Variants in KIFC1 observed in about 807,000 individuals in gnomAD.
The protein encoded by KIFC1 is kinesin family member C1, also known as kinesin-like protein KIFC1.
Under a neutral mutation model 66.6 loss-of-function variants are expected in KIFC1, and 37 were observed. The observed-to-expected ratio is 0.56, with a 90% CI of 0.43 to 0.73. The LOEUF (loss-of-function observed/expected upper bound fraction) is 0.73. Among genes scored for constraint, KIFC1 ranks in the 30% least tolerant of loss-of-function variants. The pLI, the probability that KIFC1 is intolerant of heterozygous loss-of-function variation, is 0.00. For missense variants in KIFC1, 721 were observed against 859.8 expected, an observed-to-expected ratio of 0.84 and a Z score of 2.02; for synonymous variants, 325 against 343.5, an observed-to-expected ratio of 0.95 and a Z score of 0.60.
At chr6:33,407,990 C>T (rs929856322) in intron 10 of KIFC1, among the ~76,000 whole-genome samples, 2 of 152,236 alleles carry the variant, frequency 1.3e-5, no homozygotes, top group Non-Finnish European at 2.9e-5. Flanking sequence ...CCAGCACCTG[C>T]ACCCTGATCT....
chr6:33,405,261 AAG>A lies in KIFC1; in HGVS notation c.1170_1171del (p.Glu390AspfsTer77). On this transcript the variant is annotated frameshift_variant, in exon 7 of 11. Transcript: ENST00000428849. LOFTEE classifies it high-confidence loss of function. The surrounding 1 kb of genome is among the most constrained non-coding windows in gnomAD (Gnocchi z 5.4). ...GGAAGTGGACAGGATGAAGTGTTTG[AAG>A]AGATTGCCATGCTTGTCCAGTCAGC... 1 of 1,614,162 alleles carries A rather than the reference AAG, an allele frequency of 6.2e-7. No homozygotes were observed. Among genetic ancestry groups the A allele is most frequent in the Non-Finnish European group, 8.5e-7 (1 of 1,180,036 alleles).
At position 33,403,547 on chromosome 6, in the gene KIFC1, A is replaced by T; in HGVS notation, c.355+12A>T. 2.5e-6 allele frequency: 4 copies of T among 1,613,708 alleles called. No individual in the cohort carries two copies. In the Middle Eastern group the frequency reaches 6.6e-4, roughly 266 times the overall value. On this transcript the variant is annotated intron_variant, in intron 5 of 10. Coordinates refer to ENST00000428849, the MANE Select transcript of KIFC1 (RefSeq NM_002263.4). The surrounding 1 kb of genome is among the most constrained non-coding windows in gnomAD (Gnocchi z 4.6). ...CCAGAAGTCTGGCAGTAAGTGACAA[A>T]CATAACCACTGGGTGAGAGGCTGGG...
Position 33,405,087 on chromosome 6 carries a change from T to G in KIFC1, c.992T>G (p.Leu331Arg). The G allele has an allele frequency of 5.0e-6, 8 of 1,614,068 alleles. No homozygotes were observed. The highest frequency in any genetic ancestry group is 1.3e-5 in the African/African-American group (1 of 75,058). The change falls in exon 7 of 11, where the codon CTC (leucine) becomes CGC (arginine). Residue 331 changes from leucine to arginine, a missense_variant. Transcript: ENST00000428849. The surrounding 1 kb of genome is among the most constrained non-coding windows in gnomAD (Gnocchi z 5.4). ...GGGGAGCCCACTCCACCCCCTGGCC[T>G]CCTCCTGTTTCCCTCTGGCCCTGGT... is the stretch of plus-strand genomic sequence containing the variant. ...LPGEPTPPPGLLLFPSGPGGP... is the reference protein window; with the variant it reads ...LPGEPTPPPGRLLFPSGPGGP...
intron 3 of KIFC1, among the ~76,000 whole-genome samples, chr6:33,398,713 G>A (rs1581910525): frequency 6.6e-6 from 1 of 152,112 alleles, no homozygotes; most frequent in East Asian, 1.9e-4. Flanking sequence ...TGATCCACCC[G>A]CCTCTGCCTT....
rs575146354 is a variant in KIFC1 at position 33,401,850 on chromosome 6, C to T, written c.251-1464C>T. Among the ~76,000 whole-genome samples, 26 of 152,182 alleles carry T rather than the reference C, an allele frequency of 1.7e-4. No homozygotes were observed. In the East Asian group the frequency reaches 4.6e-3, roughly 27 times the overall value. On this transcript the variant is annotated intron_variant, in intron 3 of 10. Coordinates refer to ENST00000428849, the MANE Select transcript of KIFC1 (RefSeq NM_002263.4). This position sits in a 1 kb window ranked among gnomAD's most constrained non-coding sequence, Gnocchi z 4.5. ...CGGAGTAGCTGGGACTACAGGTGCC[C>T]GCCACCACGCCTGGTTAATTTTGTT...
In KIFC1 at chr6:33,404,672, C is replaced by T. The variant is rs1490977436; in HGVS notation, c.757-180C>T. On this transcript the variant is annotated intron_variant, in intron 6 of 10. Coordinates refer to ENST00000428849, the MANE Select transcript of KIFC1 (RefSeq NM_002263.4). This position sits in a 1 kb window ranked among gnomAD's most constrained non-coding sequence, Gnocchi z 4.0. ...GTGCTCCTCTTTGTGCTTGGACATA[C>T]CCATAGCACTCCCTGTCTTAGTACC... 2.0e-5 allele frequency among the ~76,000 whole-genome samples: 3 copies of T among 152,126 alleles called. No homozygotes were observed. The highest frequency in any genetic ancestry group is 1.5e-5 in the Non-Finnish European group (1 of 68,030).
Position 33,405,445 on chromosome 6 carries a change from T to C in KIFC1, c.1350T>C (p.Gly450=), listed in dbSNP as rs747093907. 2 of 1,606,340 alleles carry C rather than the reference T, an allele frequency of 1.2e-6. No individual in the cohort carries two copies. Among genetic ancestry groups the C allele is most frequent in the African/African-American group, 1.3e-5 (1 of 74,812 alleles). ...HLFSVAQELS[G]QGWTYSFVAS... is the part of the protein sequence containing the mutation. ...TCTCTGTGGCTCAGGAGCTGAGTGG[T>C]CAGGGCTGGACCTACAGCTTTGTAG... The change falls in exon 7 of 11, where the codon GGT becomes GGC. Residue 450 remains glycine (G), a synonymous_variant. Coordinates refer to ENST00000428849, the MANE Select transcript of KIFC1 (RefSeq NM_002263.4). The surrounding 1 kb of genome is among the most constrained non-coding windows in gnomAD (Gnocchi z 5.4).
chr6:33,395,541 G>C (rs1245080322), intron 1 of KIFC1, among the ~76,000 whole-genome samples: 1 of 152,210 alleles, frequency 6.6e-6, no homozygotes, highest in Non-Finnish European at 1.5e-5. Flanking sequence ...CTTATAGAAG[G>C]TTAAGTGCTT....
upstream of KIFC1, chr6:33,391,789 G>T (rs918528842): frequency 5.8e-6 from 4 of 688,036 alleles, no homozygotes; most frequent in Non-Finnish European, 7.8e-6. Flanking sequence ...TGGTCCCTGC[G>T]TGCAGAGCGC....
Position 33,403,178 on chromosome 6 carries a change from G to A in KIFC1, c.251-136G>A. Reference sequence around the variant, plus strand: ...GGGAGGTATCATTAGGAGCTGGCCAGACTTAGGGATAAGGGAAGGAAGTTA... The same window carrying A: ...GGGAGGTATCATTAGGAGCTGGCCAAACTTAGGGATAAGGGAAGGAAGTTA... On this transcript the variant is annotated intron_variant, in intron 3 of 10. Coordinates refer to ENST00000428849, the MANE Select transcript of KIFC1 (RefSeq NM_002263.4). The surrounding 1 kb of genome is among the most constrained non-coding windows in gnomAD (Gnocchi z 4.6). 1 of 810,772 alleles carries A rather than the reference G, an allele frequency of 1.2e-6. No homozygotes were observed. 50.2% of individuals were successfully genotyped at this position (810,772 alleles called of 1,614,324 possible).
Position 33,409,719 on chromosome 6 carries a change from GT to G in KIFC1, c.*30del. On this transcript the variant is annotated 3_prime_UTR_variant, in exon 11 of 11. Transcript: ENST00000428849. ...CGGATCCAGATCTGTGTGTGTGTGT[GT>G]GTGTGTGTGTGTGTGTGTGTGTGTG... 5 of 1,134,842 alleles carry G rather than the reference GT, an allele frequency of 4.4e-6. No homozygotes were observed. The highest frequency in any genetic ancestry group is 6.2e-6 in the Non-Finnish European group (5 of 806,464). The allele number at this position is 1,134,842 out of a possible 1,614,324, so 70.3% of individuals were successfully genotyped here.
At chr6:33,402,612 C>T (rs1439846724) in intron 3 of KIFC1, among the ~76,000 whole-genome samples, 1 of 151,824 alleles carries the variant, frequency 6.6e-6, no homozygotes, top group Non-Finnish European at 1.5e-5. Flanking sequence ...TGCCTGTAAT[C>T]CCAGCTACTC....
Position 33,398,334 on chromosome 6 carries a change from A to C in KIFC1, c.197A>C (p.His66Pro). ...LGATTKITTSHPRVPSLTTVP... is the reference protein window; with the variant it reads ...LGATTKITTSPPRVPSLTTVP... ...GCAACGACCAAAATTACCACATCCC[A>C]CCCAAGAGTTCCATCCCTCACTACA... The change falls in exon 3 of 11, where the codon CAC becomes CCC. Residue 66 changes from histidine (H) to proline (P), a missense_variant. Coordinates refer to ENST00000428849, the MANE Select transcript of KIFC1 (RefSeq NM_002263.4). The C allele has an allele frequency of 6.2e-7, 1 of 1,614,008 alleles. No individual in the cohort carries two copies. Among genetic ancestry groups the C allele is most frequent in the South Asian group, 1.1e-5 (1 of 91,076 alleles).
At position 33,405,528 on chromosome 6, in the gene KIFC1, G is replaced by A. The variant is rs199869318; in HGVS notation, c.1433G>A (p.Arg478Gln). 1.7e-4 allele frequency: 272 copies of A among 1,611,516 alleles called. 1 individual carries two copies. The East Asian group carries it at 3.7e-3, about 22-fold the overall frequency. Residue 478 changes from arginine to glutamine, a missense_variant, in exon 7 of 11, where the codon CGG (arginine) becomes CAG (glutamine). Transcript: ENST00000428849. The surrounding 1 kb of genome is among the most constrained non-coding windows in gnomAD (Gnocchi z 5.4). ...TVRDLLATGT[R>Q]KGQGGECEIR... ...CGGGACCTGCTGGCCACTGGAACCC[G>A]GAAGGGTCAAGGGGGCGAGTGTGAG...
chr6:33,407,065 A>G, intron 10 of KIFC1, 190 bp downstream of exon 10: 1 of 1,416,484 alleles, frequency 7.1e-7, no homozygotes, highest in Middle Eastern at 2.6e-4. Flanking sequence ...AAAACGGGTG[A>G]TTAATTTAAC....
In KIFC1 at chr6:33,403,218, C is replaced by A. The variant is rs189412519; in HGVS notation, c.251-96C>A. On this transcript the variant is annotated intron_variant, in intron 3 of 10. Transcript: ENST00000428849. This position sits in a 1 kb window ranked among gnomAD's most constrained non-coding sequence, Gnocchi z 4.6. ...GAAGGAAGTTATCCTATTTCTAATT[C>A]TGAGAAAAGCACTTCTTCTGCCCCT... 1.1e-3 allele frequency: 1,262 copies of A among 1,137,406 alleles called. 11 individuals carry two copies. The African/African-American group carries it at 0.016, about 15-fold the overall frequency. The allele number at this position is 1,137,406 out of a possible 1,614,324, so 70.5% of individuals were successfully genotyped here.
chr6:33,405,361 T>C lies in KIFC1; in HGVS notation c.1266T>C (p.Gly422=), dbSNP rs776956832. ...GTGGCAAGACCTTCACAATGGAGGG[T>C]GGGCCTGGGGGAGACCCCCAGTTGG... ...TGSGKTFTME[G]GPGGDPQLEG... The change falls in exon 7 of 11, where the codon GGT becomes GGC. Residue 422 remains glycine, a synonymous_variant. Coordinates refer to ENST00000428849, the MANE Select transcript of KIFC1 (RefSeq NM_002263.4). This position sits in a 1 kb window ranked among gnomAD's most constrained non-coding sequence, Gnocchi z 5.4. The C allele has an allele frequency of 1.2e-6, 2 of 1,611,882 alleles. No homozygotes were observed. The highest frequency in any genetic ancestry group is 2.7e-5 in the African/African-American group (2 of 74,760).
rs1286549990 is a variant in KIFC1, at chr6:33,401,090, G to A, written c.251-2224G>A. ...TTTTGGGCGGGGAGCATATATTCAGGGCAATATGAATCTCTGTCTCCTGGC... is the reference window on the plus strand; with the variant it reads ...TTTTGGGCGGGGAGCATATATTCAGAGCAATATGAATCTCTGTCTCCTGGC... On this transcript the variant is annotated intron_variant, in intron 3 of 10. Coordinates refer to ENST00000428849, the MANE Select transcript of KIFC1 (RefSeq NM_002263.4). This position sits in a 1 kb window ranked among gnomAD's most constrained non-coding sequence, Gnocchi z 4.5. 6.6e-6 allele frequency among the ~76,000 whole-genome samples: 1 copy of A among 151,886 alleles called. No individual in the cohort carries two copies.
rs527443648 is a variant in KIFC1, at chr6:33,405,860, C to T, written c.1536+229C>T. Among the ~76,000 whole-genome samples, 1 of 152,070 alleles carries T rather than the reference C, an allele frequency of 6.6e-6. No individual in the cohort carries two copies. The highest frequency in any genetic ancestry group is 1.5e-5 in the Non-Finnish European group (1 of 68,022). On this transcript the variant is annotated intron_variant, in intron 7 of 10. Coordinates refer to ENST00000428849, the MANE Select transcript of KIFC1 (RefSeq NM_002263.4). The surrounding 1 kb of genome is among the most constrained non-coding windows in gnomAD (Gnocchi z 5.4). Reference sequence around the variant, plus strand: ...CAAAACGAGGAGGGTCACTACATCTCATGTCTCATCTTCTTGCTCAGCTCA... The same window carrying T: ...CAAAACGAGGAGGGTCACTACATCTTATGTCTCATCTTCTTGCTCAGCTCA...
Sources: allele counts gnomAD v4.1 joint callset (sites outside exome capture counted in the v4.1 genomes callset), GRCh38; gene constraint gnomAD v4.1.1; non-coding constraint Gnocchi (gnomAD v3.1); transcripts MANE v1.5; gene names NCBI Gene and HGNC (gene_info 2026-07-23, HGNC 2026-07-21).